Variants in GJD2 observed in about 807,000 individuals in gnomAD.
The protein encoded by GJD2 is gap junction protein delta 2, also known as gap junction delta-2 protein.
A neutral mutation model predicts 24.3 loss-of-function variants in GJD2; 12 were observed. The ratio of observed to expected loss-of-function variants is 0.49; its 90% confidence interval spans 0.32 to 0.80. The LOEUF is 0.80. Among genes scored for constraint, GJD2 ranks in the 30% least tolerant of loss-of-function variants. The probability of loss-of-function intolerance (pLI) is 0.04; values close to 1 mark genes in which losing one functional copy is unlikely to be tolerated. For missense variants in GJD2, 268 were observed against 402.4 expected, an observed-to-expected ratio of 0.67 and a Z score of 2.86; for synonymous variants, 171 against 155.2, an observed-to-expected ratio of 1.10 and a Z score of -0.76.
In GJD2 at chr15:34,754,233, AG is replaced by A. The variant is rs1277104158; in HGVS notation, c.71+184del. Among the ~76,000 whole-genome samples, 4 of 151,998 alleles carry A rather than the reference AG, an allele frequency of 2.6e-5. No individual in the cohort carries two copies. The highest frequency in any genetic ancestry group is 9.7e-5 in the African/African-American group (4 of 41,360). On this transcript the variant is annotated intron_variant, in intron 1 of 1. Coordinates refer to ENST00000290374, the MANE Select transcript of GJD2 (RefSeq NM_020660.3). This position sits in a 1 kb window ranked among gnomAD's most constrained non-coding sequence, Gnocchi z 5.9. The stretch of plus-strand genomic sequence containing the variant: ...GCAGCTGGTTAGGAGTAGCTAGAGG[AG>A]GGGGGCATCGCGGGGCGTCGGGTAA...
rs1891157463 is a variant in GJD2 at position 34,754,563 on chromosome 15, C to T, written c.-75G>A. Reference sequence around the variant, plus strand: ...TTCCCGCTCCTGGCCCCTCCCCGGGCCGCACTTCCAGAATGGGAGTGAATT... The same window carrying T: ...TTCCCGCTCCTGGCCCCTCCCCGGGTCGCACTTCCAGAATGGGAGTGAATT... On this transcript the variant is annotated 5_prime_UTR_variant, in exon 1 of 2. Coordinates refer to ENST00000290374, the MANE Select transcript of GJD2 (RefSeq NM_020660.3). The surrounding 1 kb of genome is among the most constrained non-coding windows in gnomAD (Gnocchi z 5.9). 13 of 1,235,892 alleles carry T rather than the reference C, an allele frequency of 1.1e-5. No homozygotes were observed. Among genetic ancestry groups the T allele is most frequent in the Admixed American group, 1.0e-4 (6 of 58,356 alleles). 76.6% of individuals were successfully genotyped at this position (1,235,892 alleles called of 1,614,324 possible).
chr15:34,753,479 G>C, intron 1 of GJD2, 107 bp from the exon 2 acceptor site: 1 of 1,016,526 alleles, frequency 9.8e-7, no homozygotes, highest in Non-Finnish European at 1.4e-6. Flanking sequence ...CTTTTGACTG[G>C]GGAGCTGTCC....
rs768330687 is a variant in GJD2, at chr15:34,753,271, A to C, written c.173T>G (p.Leu58Arg). 1.2e-6 allele frequency: 2 copies of C among 1,614,150 alleles called. No homozygotes were observed. Among genetic ancestry groups the C allele is most frequent in the Non-Finnish European group, 1.7e-6 (2 of 1,180,030 alleles). Residue 58 changes from leucine to arginine, a missense_variant, in exon 2 of 2, where the codon CTG becomes CGG. By Grantham distance (102) the Leu-to-Arg change is moderately radical (BLOSUM62 -2). Transcript: ENST00000290374. ...GCAGGCCTGGTTACAGCCGGGCTGC[A>C]GGGTGTTGCACACAAACATGGTCTG... is the stretch of plus-strand genomic sequence containing the variant. The part of the protein sequence containing the change: ...DEQTMFVCNT[L>R]QPGCNQACYD...
chr15:34,752,169 C>T lies in GJD2; in HGVS notation c.*309G>A. 1 of 365,450 alleles carries T rather than the reference C, an allele frequency of 2.7e-6. No individual in the cohort carries two copies. The highest frequency in any genetic ancestry group is 4.0e-5 in the South Asian group (1 of 24,800). The allele number at this position is 365,450 out of a possible 1,614,324, so 22.6% of individuals were successfully genotyped here. On this transcript the variant is annotated 3_prime_UTR_variant, in exon 2 of 2. Transcript: ENST00000290374. ...ATAAAGAGCTCAGCAGGGCTAAGTCCTACTTGGTAGCTGTGCAAGTTCAGT... is the reference window on the plus strand; with the variant it reads ...ATAAAGAGCTCAGCAGGGCTAAGTCTTACTTGGTAGCTGTGCAAGTTCAGT...
At position 34,754,269 on chromosome 15, in the gene GJD2, G is replaced by T. The variant is rs1439862626; in HGVS notation, c.71+149C>A. On this transcript the variant is annotated intron_variant, in intron 1 of 1. Coordinates refer to ENST00000290374, the MANE Select transcript of GJD2 (RefSeq NM_020660.3). This position sits in a 1 kb window ranked among gnomAD's most constrained non-coding sequence, Gnocchi z 5.9. ...GCGGGGCGTCGGGTAATCCCTCATCGCCGGGAACACCGGAGCCTTGACCTA... is the reference window on the plus strand; with the variant it reads ...GCGGGGCGTCGGGTAATCCCTCATCTCCGGGAACACCGGAGCCTTGACCTA... 1.1e-5 allele frequency: 7 copies of T among 641,134 alleles called. 1 individual carries two copies. The highest frequency in any genetic ancestry group is 9.2e-5 in the South Asian group (5 of 54,522). The allele number at this position is 641,134 out of a possible 1,614,324, so 39.7% of individuals were successfully genotyped here. A position where few individuals can be genotyped will look rare whatever the true frequency, so the allele number is the denominator to read the frequency against.
chr15:34,753,408 C>A, intron 1 of GJD2, 36 bp from the exon 2 acceptor site: 3 of 1,546,380 alleles, frequency 1.9e-6, no homozygotes, highest in Non-Finnish European at 2.6e-6. Context: ...GAGGTTCTCA[C>A]GGGCTGCGTC....
In GJD2 at chr15:34,752,202, G is replaced by A; in HGVS notation, c.*276C>T. 1 of 449,172 alleles carries A rather than the reference G, an allele frequency of 2.2e-6. No homozygotes were observed. The highest frequency in any genetic ancestry group is 3.1e-5 in the South Asian group (1 of 32,662). The allele number at this position is 449,172 out of a possible 1,614,324, so 27.8% of individuals were successfully genotyped here. ...TAGCTGTGCAAGTTCAGTGTTATCA[G>A]GATCAGGCTAGGCCATAAACAGAAA... On this transcript the variant is annotated 3_prime_UTR_variant, in exon 2 of 2. Transcript: ENST00000290374.
chr15:34,754,786 G>T lies in GJD2; in HGVS notation c.-298C>A. ...CTGGATCCCGCGGACGCCGGGACGA[G>T]GGGCGGGGCGGGGTGGCAGCCTGCA... On this transcript the variant is annotated 5_prime_UTR_variant, in exon 1 of 2. Coordinates refer to ENST00000290374, the MANE Select transcript of GJD2 (RefSeq NM_020660.3). This position sits in a 1 kb window ranked among gnomAD's most constrained non-coding sequence, Gnocchi z 5.9. 3.1e-6 allele frequency: 1 copy of T among 319,288 alleles called. No individual in the cohort carries two copies. The highest frequency in any genetic ancestry group is 5.8e-6 in the Non-Finnish European group (1 of 172,020). 19.8% of individuals were successfully genotyped at this position (319,288 alleles called of 1,614,324 possible). A position where few individuals can be genotyped will look rare whatever the true frequency, so the allele number is the denominator to read the frequency against.
Position 34,753,348 on chromosome 15 carries a change from G to T in GJD2, c.96C>A (p.Ile32=). ...CAATGGCCACAATGAGGATCCGGAA[G>T]ATCACCACCACAGTCAACAGGATCC... ...IGRILLTVVV[I]FRILIVAIVG... Residue 32 remains isoleucine (I), a synonymous_variant, in exon 2 of 2, where the codon ATC becomes ATA. Transcript: ENST00000290374. 1 of 1,605,932 alleles carries T rather than the reference G, an allele frequency of 6.2e-7. No individual in the cohort carries two copies. Among genetic ancestry groups the T allele is most frequent in the Non-Finnish European group, 8.5e-7 (1 of 1,177,272 alleles).
chr15:34,753,491 T>C, intron 1 of GJD2, 119 bp from the exon 2 acceptor site: 2 of 872,190 alleles, frequency 2.3e-6, no homozygotes, highest in Non-Finnish European at 3.5e-6. Flanking sequence ...GAGCTGTCCA[T>C]CCCGGGCTGG....
chr15:34,754,693 G>T lies in GJD2; in HGVS notation c.-205C>A. On this transcript the variant is annotated 5_prime_UTR_variant, in exon 1 of 2. Coordinates refer to ENST00000290374, the MANE Select transcript of GJD2 (RefSeq NM_020660.3). The surrounding 1 kb of genome is among the most constrained non-coding windows in gnomAD (Gnocchi z 5.9). ...GGGGAAAGAAATCCAAGCGCGTCCC[G>T]ACCGATGGGGCAGTTGGCGCGGTCT... 1 of 563,426 alleles carries T rather than the reference G, an allele frequency of 1.8e-6. No individual in the cohort carries two copies. The highest frequency in any genetic ancestry group is 3.2e-6 in the Non-Finnish European group (1 of 308,290). The allele number at this position is 563,426 out of a possible 1,614,324, so 34.9% of individuals were successfully genotyped here. A position where few individuals can be genotyped will look rare whatever the true frequency, so the allele number is the denominator to read the frequency against.
chr15:34,754,525 A>G lies in GJD2; in HGVS notation c.-37T>C. The G allele has an allele frequency of 6.4e-7, 1 of 1,558,084 alleles. No homozygotes were observed. The highest frequency in any genetic ancestry group is 8.9e-7 in the Non-Finnish European group (1 of 1,129,066). ...CGGAGGCAGCAGACAAAGACTGGGC[A>G]GCACCGGGCACGTTCCCGCTCCTGG... On this transcript the variant is annotated 5_prime_UTR_variant, in exon 1 of 2. Coordinates refer to ENST00000290374, the MANE Select transcript of GJD2 (RefSeq NM_020660.3). This position sits in a 1 kb window ranked among gnomAD's most constrained non-coding sequence, Gnocchi z 5.9.
At position 34,754,609 on chromosome 15, in the gene GJD2, A is replaced by T. The variant is rs1311299546; in HGVS notation, c.-121T>A. ...GAATTGCCTCCCAATTAAAGAAGCA[A>T]TTTTTTAAAAAATCCTCGAATCCCC... On this transcript the variant is annotated 5_prime_UTR_variant, in exon 1 of 2. It adds an upstream start codon to the 5' untranslated region. Transcript: ENST00000290374. This position sits in a 1 kb window ranked among gnomAD's most constrained non-coding sequence, Gnocchi z 5.9. 1 of 729,830 alleles carries T rather than the reference A, an allele frequency of 1.4e-6. No homozygotes were observed. 45.2% of individuals were successfully genotyped at this position (729,830 alleles called of 1,614,324 possible).
Position 34,752,754 on chromosome 15 carries a change from C to T in GJD2, c.690G>A (p.Glu230=). 6.2e-7 allele frequency: 1 copy of T among 1,614,184 alleles called. No individual in the cohort carries two copies. The highest frequency in any genetic ancestry group is 8.5e-7 in the Non-Finnish European group (1 of 1,180,022). The part of the protein sequence containing the change: ...LYGFSVPGLY[E]CNRYPCIKEV... ...CCTTGATGCAGGGGTAGCGGTTACA[C>T]TCATACAACCCTGGGACACTAAAGC... The change falls in exon 2 of 2, where the codon GAG becomes GAA. Residue 230 remains glutamate (E), a synonymous_variant. Coordinates refer to ENST00000290374, the MANE Select transcript of GJD2 (RefSeq NM_020660.3).
At position 34,752,188 on chromosome 15, in the gene GJD2, G is replaced by A; in HGVS notation, c.*290C>T. ...TAAGTCCTACTTGGTAGCTGTGCAA[G>A]TTCAGTGTTATCAGGATCAGGCTAG... is the stretch of plus-strand genomic sequence containing the variant. On this transcript the variant is annotated 3_prime_UTR_variant, in exon 2 of 2. Transcript: ENST00000290374. 2.4e-6 allele frequency: 1 copy of A among 409,444 alleles called. No individual in the cohort carries two copies. Among genetic ancestry groups the A allele is most frequent in the Non-Finnish European group, 4.5e-6 (1 of 224,714 alleles). 25.4% of individuals were successfully genotyped at this position (409,444 alleles called of 1,614,324 possible).
Position 34,752,563 on chromosome 15 carries a change from A to G in GJD2, c.881T>C (p.Ile294Thr), listed in dbSNP as rs1334320201. The G allele has an allele frequency of 6.2e-7, 1 of 1,614,044 alleles. No individual in the cohort carries two copies. The highest frequency in any genetic ancestry group is 1.7e-5 in the Admixed American group (1 of 59,996). The change falls in exon 2 of 2, where the codon ATC (isoleucine) becomes ACC (threonine). Residue 294 changes from isoleucine to threonine, a missense_variant. Transcript: ENST00000290374. ...VRGAQAKRKS[I>T]YEIRNKDLPR... ...CAGGTCCTTGTTACGAATCTCATAG[A>G]TTGACTTTCTCTTGGCCTGAGCCCC...
intron 1 of GJD2, 127 bp from the exon 2 acceptor site, chr15:34,753,499 T>C: frequency 2.5e-6 from 2 of 792,000 alleles, no homozygotes; most frequent in Non-Finnish European, 3.9e-6. Flanking sequence ...CATCCCGGGC[T>C]GGTACTGAAC....
Position 34,753,116 on chromosome 15 carries a change from A to G in GJD2, c.328T>C (p.Ser110Pro). The G allele has an allele frequency of 6.2e-7, 1 of 1,614,154 alleles. No individual in the cohort carries two copies. Among genetic ancestry groups the G allele is most frequent in the African/African-American group, 1.3e-5 (1 of 75,028 alleles). Reference protein sequence around the residue: ...QSAKQRERRYSTVFLALDRDP... With the variant: ...QSAKQRERRYPTVFLALDRDP... Reference sequence around the variant, plus strand: ...CTGTCCAGGGCTAGGAAGACTGTAGAGTAGCGGCGTTCTCGCTGCTTGGCG... The same window carrying G: ...CTGTCCAGGGCTAGGAAGACTGTAGGGTAGCGGCGTTCTCGCTGCTTGGCG... Residue 110 changes from serine to proline, a missense_variant, in exon 2 of 2, where the codon TCT becomes CCT. By Grantham distance (74) the Ser-to-Pro change is moderately conservative. This residue lies in a region of GJD2 where 87 missense variants were observed against 77.8 expected (regional missense o/e 1.12). Coordinates refer to ENST00000290374, the MANE Select transcript of GJD2 (RefSeq NM_020660.3).
chr15:34,754,292 C>A lies in GJD2; in HGVS notation c.71+126G>T. The A allele has an allele frequency of 2.8e-6, 2 of 720,428 alleles. No homozygotes were observed. The highest frequency in any genetic ancestry group is 4.9e-6 in the Non-Finnish European group (2 of 405,308). 44.6% of individuals were successfully genotyped at this position (720,428 alleles called of 1,614,324 possible). A position where few individuals can be genotyped will look rare whatever the true frequency, so the allele number is the denominator to read the frequency against. On this transcript the variant is annotated intron_variant, in intron 1 of 1. Transcript: ENST00000290374. This position sits in a 1 kb window ranked among gnomAD's most constrained non-coding sequence, Gnocchi z 5.9. ...TCGCCGGGAACACCGGAGCCTTGAC[C>A]TAGGACGATGGGGAGGAGGCAGAGG...
Sources: gnomAD v4.1 joint callset for allele counts (sites outside exome capture counted in the v4.1 genomes callset) on GRCh38, gnomAD v4.1.1 for gene constraint, gnomAD v4.1.1 regional missense constraint, Gnocchi (gnomAD v3.1) non-coding constraint, MANE v1.5 for transcripts, NCBI Gene and HGNC (gene_info 2026-07-23, HGNC 2026-07-21) for gene names.